The following APPBP2 variants were observed in gnomAD, a reference collection of about 807,000 sequenced individuals.
The protein encoded by APPBP2 is amyloid beta precursor protein binding protein 2.
A neutral mutation model predicts 76.0 loss-of-function variants in APPBP2; 15 were observed. The observed-to-expected ratio is 0.20, with a 90% CI of 0.13 to 0.30. APPBP2 has a LOEUF of 0.30. Among genes scored for constraint, APPBP2 ranks in the 10% least tolerant of loss-of-function variants. APPBP2 has a pLI of 1.00. For synonymous variants in APPBP2, 222 were observed against 242.2 expected (o/e 0.92, Z 0.77); for missense variants, 401 against 687.2 (o/e 0.58, Z 4.66).
chr17:60,522,065 T>C (rs1222453007), intron 1 of APPBP2, among the ~76,000 whole-genome samples: 2 of 152,240 alleles, frequency 1.3e-5, no homozygotes, highest in East Asian at 1.9e-4. Flanking sequence ...CCCACAAGCA[T>C]GAAATCGCCT....
intron 4 of APPBP2, among the ~76,000 whole-genome samples, chr17:60,472,517 T>A (rs1296713700): frequency 6.6e-6 from 1 of 152,226 alleles, no homozygotes; most frequent in Non-Finnish European, 1.5e-5. Flanking sequence ...CCAAGTCCCA[T>A]TTCTGGTTTT....
chr17:60,466,586 G>T, intron 4 of APPBP2, 127 bp from the exon 5 acceptor site: 1 of 925,650 alleles, frequency 1.1e-6, no homozygotes, highest in Non-Finnish European at 1.6e-6. Flanking sequence ...TTGAAAATAA[G>T]TGTGTGGCCC....
intron 4 of APPBP2, among the ~76,000 whole-genome samples, chr17:60,471,901 A>C (rs1242545781): frequency 2.0e-5 from 3 of 152,106 alleles, no homozygotes; most frequent in Non-Finnish European, 4.4e-5. Flanking sequence ...CAAGGTGGGC[A>C]GGTCACCTGA....
At position 60,526,211 on chromosome 17, in the gene APPBP2, G is replaced by C; in HGVS notation, c.-280C>G. ...AGAGGAACCCGGGTTCCGTCCCAGCGCTGATCTCTGCAGGGGCGGGGCTGC... is the reference window on the plus strand; with the variant it reads ...AGAGGAACCCGGGTTCCGTCCCAGCCCTGATCTCTGCAGGGGCGGGGCTGC... On this transcript the variant is annotated 5_prime_UTR_variant, in exon 1 of 13. Transcript: ENST00000083182. The C allele has an allele frequency of 2.3e-6, 1 of 433,048 alleles. No individual in the cohort carries two copies. The highest frequency in any genetic ancestry group is 4.3e-6 in the Non-Finnish European group (1 of 231,978). The allele number at this position is 433,048 out of a possible 1,614,324, so 26.8% of individuals were successfully genotyped here.
chr17:60,448,677 T>C (rs1421050583), intron 12 of APPBP2, among the ~76,000 whole-genome samples: 2 of 152,200 alleles, frequency 1.3e-5, no homozygotes, highest in African/African-American at 4.8e-5. Flanking sequence ...TGATGGTATA[T>C]TGTTAAGATT....
intron 9 of APPBP2, among the ~76,000 whole-genome samples, chr17:60,457,128 C>CAAAAAAAA (rs10713718): frequency 8.1e-6 from 1 of 124,006 alleles, no homozygotes; most frequent in African/African-American, 2.7e-5. Flanking sequence ...AAGACTGTCT[C>CAAAAAAAA]AAAAAAAAAA....
intron 3 of APPBP2, among the ~76,000 whole-genome samples, chr17:60,483,723 CTTTAG>C (rs367810641): frequency 1.6e-4 from 24 of 152,222 alleles, no homozygotes; most frequent in Middle Eastern, 6.8e-3. Flanking sequence ...TGCAGAAGCT[CTTTAG>C]TTTAATTAGA....
At chr17:60,494,673 A>G in intron 2 of APPBP2, 56 bp from the exon 3 acceptor site, 1 of 1,446,512 alleles carries the variant, frequency 6.9e-7, no homozygotes, top group Non-Finnish European at 9.2e-7. Flanking sequence ...CTCCTTTTAG[A>G]AAGTGCTAAC....
intron 4 of APPBP2, among the ~76,000 whole-genome samples, chr17:60,475,441 T>A (rs1160297759): frequency 3.9e-5 from 6 of 152,114 alleles, no homozygotes; most frequent in Admixed American, 2.0e-4. Context: ...CCTCGATTAT[T>A]TCCCTCAGAT....
chr17:60,510,818 T>A (rs1000465983), intron 1 of APPBP2, among the ~76,000 whole-genome samples: 2 of 152,236 alleles, frequency 1.3e-5, no homozygotes, highest in African/African-American at 4.8e-5. Context: ...ATGTCCTTTA[T>A]CTGTTGCTTC....
intron 3 of APPBP2, among the ~76,000 whole-genome samples, chr17:60,480,591 C>T (rs1354028130): frequency 6.6e-6 from 1 of 152,018 alleles, no homozygotes. Context: ...GAGAACTGTG[C>T]TTTAAAACTT....
chr17:60,497,283 G>C (rs1005427139), intron 2 of APPBP2, among the ~76,000 whole-genome samples: 8 of 152,156 alleles, frequency 5.3e-5, no homozygotes, highest in Non-Finnish European at 8.8e-5. Context: ...TTATTTGTGG[G>C]AGCTAAAAAT....
At chr17:60,518,380 T>C (rs1489342179) in intron 1 of APPBP2, among the ~76,000 whole-genome samples, 2 of 137,074 alleles carry the variant, frequency 1.5e-5, no homozygotes, top group African/African-American at 5.4e-5. Context: ...TGTGTGTGTG[T>C]GTGTGTGTGT....
chr17:60,479,404 A>G, intron 3 of APPBP2, 133 bp from the exon 4 acceptor site: 1 of 877,274 alleles, frequency 1.1e-6, no homozygotes, highest in Non-Finnish European at 1.6e-6. Context: ...AGCATACAAC[A>G]CAGGTATGAA....
chr17:60,506,891 C>T (rs1466820239), intron 1 of APPBP2, among the ~76,000 whole-genome samples: 2 of 152,134 alleles, frequency 1.3e-5, no homozygotes, highest in Non-Finnish European at 2.9e-5. Flanking sequence ...CAAAAATTAG[C>T]TGGGCGTGGT....
chr17:60,466,279 TA>T lies in APPBP2; in HGVS notation c.672+11del, dbSNP rs778161238. 58 of 1,610,786 alleles carry T rather than the reference TA, an allele frequency of 3.6e-5. No individual in the cohort carries two copies. Among genetic ancestry groups the T allele is most frequent in the Non-Finnish European group, 4.8e-5 (56 of 1,178,208 alleles). On this transcript the variant is annotated intron_variant, in intron 5 of 12. Transcript: ENST00000083182. Reference sequence around the variant, plus strand: ...TTATTGGTCACAGTGAAATGTACCTTAAAACACTTACCTCATCATAGTGACT... The same window carrying T: ...TTATTGGTCACAGTGAAATGTACCTTAAACACTTACCTCATCATAGTGACT...
At chr17:60,486,785 G>A (rs1263054299) in intron 3 of APPBP2, among the ~76,000 whole-genome samples, 1 of 152,176 alleles carries the variant, frequency 6.6e-6, no homozygotes, top group Non-Finnish European at 1.5e-5. Context: ...TTTCTTCCGA[G>A]CATCGATGGT....
intron 1 of APPBP2, among the ~76,000 whole-genome samples, chr17:60,512,339 G>A (rs999981163): frequency 6.6e-4 from 100 of 151,676 alleles, no homozygotes; most frequent in South Asian, 1.5e-3. Context: ...TCCTGACCTC[G>A]TGATCCGCCC....
At chr17:60,494,049 C>T (rs1011521973) in intron 3 of APPBP2, among the ~76,000 whole-genome samples, 1 of 152,178 alleles carries the variant, frequency 6.6e-6, no homozygotes, top group Admixed American at 6.6e-5. Flanking sequence ...GATGGGAAAA[C>T]TGAGGCTCCG....
Sources: gnomAD v4.1 joint callset for allele counts (sites outside exome capture counted in the v4.1 genomes callset) on GRCh38, gnomAD v4.1.1 for gene constraint, MANE v1.5 for transcripts, NCBI Gene and HGNC (gene_info 2026-07-23, HGNC 2026-07-21) for gene names.